Variants in ISM2 observed in about 807,000 individuals in gnomAD.
ISM2 encodes isthmin 2, also known as isthmin-2.
ISM2 carries 50 observed loss-of-function variants against 58.0 expected under a neutral mutation model. That is an observed-to-expected ratio of 0.86 (90% CI 0.69 to 1.09). The LOEUF (loss-of-function observed/expected upper bound fraction) is 1.09. ISM2 is among the 50% of genes least tolerant of loss of function. The pLI is 0.00. For synonymous variants in ISM2, 303 were observed against 312.4 expected (o/e 0.97, Z 0.32); for missense variants, 723 against 745.0 (o/e 0.97, Z 0.34).
chr14:77,484,781 C>T lies in ISM2; in HGVS notation c.280G>A (p.Ala94Thr), dbSNP rs3742728. The T allele has an allele frequency of 0.66, 1,064,277 of 1,612,526 alleles. 360,843 individuals carry two copies. The highest frequency in any genetic ancestry group is 0.94 in the East Asian group (42,126 of 44,788). The change falls in exon 2 of 7, where the codon GCC (alanine) becomes ACC (threonine). Residue 94 changes from alanine (A) to threonine (T), a missense_variant. Coordinates refer to ENST00000342219, the MANE Select transcript of ISM2 (RefSeq NM_199296.3). ...TEPAAMTPGN[A>T]TPPRTPEVTP... ...ACCTCTGGGGTCCTGGGAGGGGTGG[C>T]GTTGCCTGGGGTCATGGCTGCTGGC...
intron 1 of ISM2, among the ~76,000 whole-genome samples, chr14:77,497,617 C>A (rs1324779609): frequency 6.6e-6 from 1 of 150,484 alleles, no homozygotes; most frequent in African/African-American, 2.5e-5. Flanking sequence ...TCGATTGAGT[C>A]CGGGAGGTTG....
Position 77,482,543 on chromosome 14 carries a change from C to T in ISM2, c.752G>A (p.Gly251Glu). 6.2e-7 allele frequency: 1 copy of T among 1,614,074 alleles called. No homozygotes were observed. Reference protein sequence around the residue: ...WLPALWSFLWGDYKGEEKDRA... With the variant: ...WLPALWSFLWEDYKGEEKDRA... ...GTCTTTTTCCTCTCCTTTGTAGTCTCCCCAGAGGAAGGACCAGAGGGCGGG... is the reference window on the plus strand; with the variant it reads ...GTCTTTTTCCTCTCCTTTGTAGTCTTCCCAGAGGAAGGACCAGAGGGCGGG... Residue 251 changes from glycine to glutamate, a missense_variant, in exon 4 of 7, where the codon GGA (glycine) becomes GAA (glutamate). Gly to Glu is a moderately conservative substitution (Grantham distance 98). Transcript: ENST00000342219.
chr14:77,476,796 T>C (rs1006657995), intron 6 of ISM2, among the ~76,000 whole-genome samples: 3 of 152,220 alleles, frequency 2.0e-5, no homozygotes, highest in African/African-American at 7.2e-5. Context: ...ACGCCTGTAA[T>C]CTCAGCACTT....
intron 1 of ISM2, among the ~76,000 whole-genome samples, chr14:77,492,941 G>A (rs1027692288): frequency 2.0e-5 from 3 of 152,052 alleles, no homozygotes; most frequent in African/African-American, 4.8e-5. Flanking sequence ...GTTGCAGTGA[G>A]CCAAGATTGT....
At chr14:77,482,877 C>T (rs2079141626) in intron 3 of ISM2, 1 of 485,144 alleles carries the variant, frequency 2.1e-6, no homozygotes, top group Non-Finnish European at 3.6e-6. Context: ...ATTAGAATCA[C>T]CTGGGGACTC....
intron 6 of ISM2, 36 bp downstream of exon 6, chr14:77,478,206 C>T (rs2079109423): frequency 6.3e-7 from 1 of 1,588,888 alleles, no homozygotes; most frequent in Admixed American, 1.7e-5. Context: ...AGCTCGTTCC[C>T]CAAACCACCA....
chr14:77,491,755 G>C (rs1174324542), intron 1 of ISM2, among the ~76,000 whole-genome samples: 2 of 147,312 alleles, frequency 1.4e-5, no homozygotes, highest in African/African-American at 2.5e-5. Flanking sequence ...GGGGTGCAGA[G>C]GCACAATCTC....
chr14:77,475,482 G>C lies in ISM2; in HGVS notation c.*113C>G, dbSNP rs565793105. 1.7e-6 allele frequency: 2 copies of C among 1,177,358 alleles called. No individual in the cohort carries two copies. The highest frequency in any genetic ancestry group is 1.5e-5 in the South Asian group (1 of 64,946). 72.9% of individuals were successfully genotyped at this position (1,177,358 alleles called of 1,614,324 possible). On this transcript the variant is annotated 3_prime_UTR_variant, in exon 7 of 7. Coordinates refer to ENST00000342219, the MANE Select transcript of ISM2 (RefSeq NM_199296.3). The surrounding 1 kb of genome is among the most constrained non-coding windows in gnomAD (Gnocchi z 4.1). ...CACACAGCCTCGGACCAACCTCACTGGGGGAGCCCTTTCCTCACCCTGTCT... is the reference window on the plus strand; with the variant it reads ...CACACAGCCTCGGACCAACCTCACTCGGGGAGCCCTTTCCTCACCCTGTCT...
At chr14:77,493,219 C>T (rs2079217441) in intron 1 of ISM2, among the ~76,000 whole-genome samples, 2 of 152,108 alleles carry the variant, frequency 1.3e-5, no homozygotes, top group South Asian at 4.1e-4. Flanking sequence ...TGATCTTGAA[C>T]TCCTGAGCTC....
chr14:77,478,475 C>T, intron 5 of ISM2, 100 bp downstream of exon 5: 1 of 1,500,606 alleles, frequency 6.7e-7, no homozygotes, highest in Admixed American at 1.9e-5. Context: ...TTTGAGCTTC[C>T]TGCATCCCAT....
rs911105185 is a variant in ISM2, at chr14:77,475,161, T to C, written c.*434A>G. On this transcript the variant is annotated 3_prime_UTR_variant, in exon 7 of 7. Transcript: ENST00000342219. The surrounding 1 kb of genome is among the most constrained non-coding windows in gnomAD (Gnocchi z 4.1). ...TGCCCATGAGAAGAGTGGCCCTTCC[T>C]CTGCTGGCCATCAGGGTGGAGTAGG... The C allele has an allele frequency of 6.5e-6, 1 of 154,228 alleles. No individual in the cohort carries two copies. The highest frequency in any genetic ancestry group is 1.4e-5 in the Non-Finnish European group (1 of 69,594). 9.6% of individuals were successfully genotyped at this position (154,228 alleles called of 1,614,324 possible). A position where few individuals can be genotyped will look rare whatever the true frequency, so the allele number is the denominator to read the frequency against.
intron 1 of ISM2, among the ~76,000 whole-genome samples, chr14:77,496,848 TG>T (rs1352797829): frequency 1.7e-5 from 1 of 59,844 alleles, no homozygotes; most frequent in Non-Finnish European, 3.4e-5. Flanking sequence ...TCATGGGGAG[TG>T]GGGACAGGAA....
At position 77,478,230 on chromosome 14, in the gene ISM2, C is replaced by A; in HGVS notation, c.1198+12G>T. On this transcript the variant is annotated intron_variant, in intron 6 of 6. Coordinates refer to ENST00000342219, the MANE Select transcript of ISM2 (RefSeq NM_199296.3). Reference sequence around the variant, plus strand: ...CCCAAACCACCAGGGGCAAGCCTAGCCCCTCACTCACCTTGATCATGCATG... The same window carrying A: ...CCCAAACCACCAGGGGCAAGCCTAGACCCTCACTCACCTTGATCATGCATG... 6.2e-7 allele frequency: 1 copy of A among 1,612,282 alleles called. No homozygotes were observed. The highest frequency in any genetic ancestry group is 1.3e-5 in the African/African-American group (1 of 75,014).
At chr14:77,498,323 AG>A in intron 1 of ISM2, 2 of 1,379,866 alleles carry the variant, frequency 1.4e-6, no homozygotes, top group Non-Finnish European at 9.5e-7. Flanking sequence ...GCACCTGGAA[AG>A]GGGGCTGCAG....
rs768199013 is a variant in ISM2, at chr14:77,478,371, C to A, written c.1115-46G>T. 29 of 1,542,232 alleles carry A rather than the reference C, an allele frequency of 1.9e-5. No individual in the cohort carries two copies. The Admixed American group carries it at 4.9e-4, about 26-fold the overall frequency. On this transcript the variant is annotated intron_variant, in intron 5 of 6. Coordinates refer to ENST00000342219, the MANE Select transcript of ISM2 (RefSeq NM_199296.3). Reference sequence around the variant, plus strand: ...AGGCTGGTGGCTCCGCAGGCCACCTCAGTGCCGCTGATGGGGAAACCCCCC... The same window carrying A: ...AGGCTGGTGGCTCCGCAGGCCACCTAAGTGCCGCTGATGGGGAAACCCCCC...
At chr14:77,496,799 GAAAAAAAAAAAAA>G (rs772342344) in intron 1 of ISM2, among the ~76,000 whole-genome samples, 31 of 25,802 alleles carry the variant, frequency 1.2e-3, no homozygotes, top group South Asian at 4.1e-3. Context: ...TCCATCTCAG[GAAAAAAAAAAAAA>G]AAAAAAAAAA....
rs185210603 is a variant in ISM2 at position 77,475,847 on chromosome 14, G to C, written c.1464C>G (p.Ala488=). The C allele has an allele frequency of 1.2e-6, 2 of 1,610,574 alleles. No individual in the cohort carries two copies. Among genetic ancestry groups the C allele is most frequent in the African/African-American group, 2.7e-5 (2 of 75,048 alleles). The change falls in exon 7 of 7, where the codon GCC becomes GCG. Residue 488 remains alanine (A), a synonymous_variant. Coordinates refer to ENST00000342219, the MANE Select transcript of ISM2 (RefSeq NM_199296.3). The surrounding 1 kb of genome is among the most constrained non-coding windows in gnomAD (Gnocchi z 4.1). ...CCTCGTCATAGCAGCAGTGCTGGGCGGCCAGTGTGCTGCTCTCCCCAGACA... is the reference window on the plus strand; with the variant it reads ...CCTCGTCATAGCAGCAGTGCTGGGCCGCCAGTGTGCTGCTCTCCCCAGACA... ...SMLSGESSTL[A]AQHCCYDEDS...
At chr14:77,484,075 C>T (rs1178863928) in intron 3 of ISM2, 2 of 433,480 alleles carry the variant, frequency 4.6e-6, no homozygotes, top group Non-Finnish European at 8.2e-6. Context: ...CTGTTTGTCT[C>T]TTGCCATGGT....
chr14:77,478,431 A>G (rs925948711), intron 5 of ISM2, 106 bp from the exon 6 acceptor site: 3 of 1,439,948 alleles, frequency 2.1e-6, no homozygotes, highest in African/African-American at 2.8e-5. Context: ...ACAGCAGCCA[A>G]AATAGGCCTG....
Sources: allele counts gnomAD v4.1 joint callset (sites outside exome capture counted in the v4.1 genomes callset), GRCh38; gene constraint gnomAD v4.1.1; non-coding constraint Gnocchi (gnomAD v3.1); transcripts MANE v1.5; gene names NCBI Gene and HGNC (gene_info 2026-07-23, HGNC 2026-07-21).